The following METTL23 variants were observed in gnomAD, a reference collection of about 807,000 sequenced individuals.
METTL23 encodes the protein histone-arginine methyltransferase METTL23.
METTL23 carries 24 observed loss-of-function variants against 21.2 expected under a neutral mutation model. That is an observed-to-expected ratio of 1.13 (90% CI 0.82 to 1.59). METTL23 has a LOEUF of 1.59. Among genes scored for constraint, METTL23 ranks in the 40% most tolerant of loss-of-function variants. METTL23 has a pLI of 0.00. For synonymous variants in METTL23, 97 were observed against 75.2 expected, an observed-to-expected ratio of 1.29 and a Z score of -1.50; for missense variants, 276 against 221.4, an observed-to-expected ratio of 1.25 and a Z score of -1.57.
rs1371144247 is a variant in METTL23, at chr17:76,733,567, T to C, written c.454T>C (p.Cys152Arg). ...EALLYKWDMK[C>R]VHIPLESFDA... ...TTTACTCTACAAATGGGATATGAAATGTGTCCACATTCCTCTTGAGTCTTT... is the reference window on the plus strand; with the variant it reads ...TTTACTCTACAAATGGGATATGAAACGTGTCCACATTCCTCTTGAGTCTTT... The change falls in exon 5 of 5, where the codon TGT becomes CGT. Residue 152 changes from cysteine to arginine, a missense_variant. Cys to Arg is a radical substitution (Grantham distance 180, BLOSUM62 -3). Coordinates refer to ENST00000341249, the MANE Select transcript of METTL23 (RefSeq NM_001080510.5). The C allele has an allele frequency of 1.2e-6, 2 of 1,613,908 alleles. No individual in the cohort carries two copies. Among genetic ancestry groups the C allele is most frequent in the East Asian group, 2.2e-5 (1 of 44,874 alleles).
At position 76,727,214 on chromosome 17, in the gene METTL23, G is replaced by T. The variant is rs554208951; in HGVS notation, c.-22+36G>T. 436 of 368,366 alleles carry T rather than the reference G, an allele frequency of 1.2e-3. 1 individual carries two copies. Among genetic ancestry groups the T allele is most frequent in the African/African-American group, 8.5e-3 (398 of 46,862 alleles). The allele number at this position is 368,366 out of a possible 1,614,324, so 22.8% of individuals were successfully genotyped here. A position where few individuals can be genotyped will look rare whatever the true frequency, so the allele number is the denominator to read the frequency against. ...CAGCACCCGCCAGGAGGCGCCTGAGGTCAGGAGCGGATGTCGGCTGACTTG... is the reference window on the plus strand; with the variant it reads ...CAGCACCCGCCAGGAGGCGCCTGAGTTCAGGAGCGGATGTCGGCTGACTTG... On this transcript the variant is annotated intron_variant, in intron 1 of 4. Coordinates refer to ENST00000341249, the MANE Select transcript of METTL23 (RefSeq NM_001080510.5).
intron 2 of METTL23, 114 bp downstream of exon 2, chr17:76,729,908 T>G: frequency 1.3e-6 from 1 of 774,920 alleles, no homozygotes; most frequent in Non-Finnish European, 2.2e-6. Flanking sequence ...TCGGGTAATT[T>G]AGCTAGTTTG....
upstream of METTL23, chr17:76,726,526 C>G: frequency 6.4e-7 from 1 of 1,554,446 alleles, no homozygotes; most frequent in East Asian, 2.4e-5. Context: ...AGCCCGCTTC[C>G]TGACACTAAC....
chr17:76,726,337 A>G (rs2076933830), upstream of METTL23: 1 of 1,564,572 alleles, frequency 6.4e-7, no homozygotes, highest in African/African-American at 1.4e-5. Context: ...CCCCCGCCCG[A>G]CCCGCTCACC....
rs1180764756 is a variant in METTL23 at position 76,733,211 on chromosome 17, A to T, written c.318A>T (p.Pro106=). The part of the protein sequence containing the change: ...IILASDVFFE[P]EDFEDILATI... ...TTGCATCTGATGTGTTCTTTGAACC[A>T]GAAGGTAAGCTTTTTTGGCTCAATA... Residue 106 remains proline (P), a synonymous_variant, in exon 3 of 5, where the codon CCA becomes CCT. Coordinates refer to ENST00000341249, the MANE Select transcript of METTL23 (RefSeq NM_001080510.5). The T allele has an allele frequency of 2.5e-6, 4 of 1,613,520 alleles. No homozygotes were observed. The African/African-American group carries it at 4.0e-5, about 16-fold the overall frequency.
At chr17:76,727,540 A>G (rs975162907) in intron 1 of METTL23, among the ~76,000 whole-genome samples, 6 of 152,146 alleles carry the variant, frequency 3.9e-5, no homozygotes, top group Non-Finnish European at 8.8e-5. Flanking sequence ...GGAAAGTGAC[A>G]TTCTTGACTG....
chr17:76,729,917 T>G (rs992564881), intron 2 of METTL23, 123 bp downstream of exon 2: 1 of 702,412 alleles, frequency 1.4e-6, no homozygotes. Flanking sequence ...TTAGCTAGTT[T>G]GTAAGGTCTG....
chr17:76,733,609 GAT>G lies in METTL23; in HGVS notation c.500_501del (p.Ile167SerfsTer12). On this transcript the variant is annotated frameshift_variant, in exon 5 of 5. Coordinates refer to ENST00000341249, the MANE Select transcript of METTL23 (RefSeq NM_001080510.5). LOFTEE classifies it high-confidence loss of function. ...PLESFDADKE[D>X]IAESTLPGRH... Reference sequence around the variant, plus strand: ...TGAGTCTTTTGATGCAGACAAAGAAGATATAGCAGAATCTACCCTTCCAGGAA... The same window carrying G: ...TGAGTCTTTTGATGCAGACAAAGAAGATAGCAGAATCTACCCTTCCAGGAA... The G allele has an allele frequency of 1.2e-6, 2 of 1,613,824 alleles. No homozygotes were observed. The highest frequency in any genetic ancestry group is 1.7e-6 in the Non-Finnish European group (2 of 1,179,836).
chr17:76,726,317 G>C, upstream of METTL23: 1 of 1,539,392 alleles, frequency 6.5e-7, no homozygotes, highest in Non-Finnish European at 8.7e-7. Flanking sequence ...GCCGATGCCC[G>C]GCCTGGCCAC....
chr17:76,730,264 G>A (rs2143821950), intron 2 of METTL23, among the ~76,000 whole-genome samples: 2 of 151,896 alleles, frequency 1.3e-5, no homozygotes, highest in Admixed American at 6.6e-5. Context: ...CCTCCAGCCT[G>A]GGCAACAGAG....
At chr17:76,731,344 T>A (rs2077199794) in intron 2 of METTL23, among the ~76,000 whole-genome samples, 1 of 152,198 alleles carries the variant, frequency 6.6e-6, no homozygotes, top group Non-Finnish European at 1.5e-5. Context: ...CCTTACAGGT[T>A]CAGTGTCTGG....
intron 2 of METTL23, among the ~76,000 whole-genome samples, chr17:76,732,456 C>T (rs2077253863): frequency 6.6e-6 from 1 of 151,792 alleles, no homozygotes; most frequent in African/African-American, 2.4e-5. Context: ...CAAGATTGCA[C>T]CATTGTACTC....
At chr17:76,726,293 T>C (rs2143758728), upstream of METTL23, 1 of 1,516,986 alleles carries the variant, frequency 6.6e-7, no homozygotes, top group Non-Finnish European at 8.8e-7. Flanking sequence ...GAAAGGTGCG[T>C]AGCGGCTGGA....
At chr17:76,732,877 CTTAT>C in intron 2 of METTL23, 97 bp from the exon 3 acceptor site, 1 of 958,260 alleles carries the variant, frequency 1.0e-6, no homozygotes. Flanking sequence ...TGACTCTATG[CTTAT>C]TTAAAAATGC....
intron 2 of METTL23, among the ~76,000 whole-genome samples, chr17:76,732,228 C>T (rs2077241669): frequency 7.1e-6 from 1 of 141,574 alleles, no homozygotes; most frequent in Non-Finnish European, 1.5e-5. Flanking sequence ...AGTGGCTGGG[C>T]ACGGTGGCTC....
rs2143866976 is a variant in METTL23, at chr17:76,733,022, T to G, written c.129T>G (p.Cys43Trp). Residue 43 changes from cysteine to tryptophan, a missense_variant, in exon 3 of 5, where the codon TGT becomes TGG. Transcript: ENST00000341249. ...VSLPGILAAK[C>W]GAEVILSDSS... ...TTCCAGGAATTTTGGCTGCCAAATGTGGTGCAGAAGTAATACTGTCAGACA... is the reference window on the plus strand; with the variant it reads ...TTCCAGGAATTTTGGCTGCCAAATGGGGTGCAGAAGTAATACTGTCAGACA... 2 of 1,595,160 alleles carry G rather than the reference T, an allele frequency of 1.3e-6. No homozygotes were observed. Among genetic ancestry groups the G allele is most frequent in the East Asian group, 2.3e-5 (1 of 44,412 alleles).
At chr17:76,730,255 C>T (rs1175156335) in intron 2 of METTL23, among the ~76,000 whole-genome samples, 18 of 151,426 alleles carry the variant, frequency 1.2e-4, no homozygotes, top group Non-Finnish European at 7.4e-5. Flanking sequence ...CACCATTGCC[C>T]TCCAGCCTGG....
chr17:76,727,079 C>T lies in METTL23; in HGVS notation c.-121C>T, dbSNP rs776019223. 4.4e-6 allele frequency: 2 copies of T among 454,784 alleles called. No individual in the cohort carries two copies. Among genetic ancestry groups the T allele is most frequent in the African/African-American group, 4.0e-5 (2 of 49,970 alleles). The allele number at this position is 454,784 out of a possible 1,614,324, so 28.2% of individuals were successfully genotyped here. A position where few individuals can be genotyped will look rare whatever the true frequency, so the allele number is the denominator to read the frequency against. ...CCAACGACGCCCTACTGGGCGAGCA[C>T]GATTTCCGAGGACAGGGGGTCCGGG... On this transcript the variant is annotated 5_prime_UTR_variant, in exon 1 of 5. The change creates a new upstream start codon in the 5' untranslated region. Transcript: ENST00000341249.
chr17:76,726,428 CGCACTCCGCTT>C (rs2143760557), upstream of METTL23: 1 of 1,604,550 alleles, frequency 6.2e-7, no homozygotes, highest in East Asian at 2.3e-5. Context: ...GCTCCGGCCG[CGCACTCCGCTT>C]GGCCTCGCGG....
Sources: allele counts gnomAD v4.1 joint callset (sites outside exome capture counted in the v4.1 genomes callset), GRCh38; gene constraint gnomAD v4.1.1; transcripts MANE v1.5; gene names NCBI Gene and HGNC (gene_info 2026-07-23, HGNC 2026-07-21).